The following CCDC178 variants were observed in gnomAD, a reference collection of about 807,000 sequenced individuals.
CCDC178 encodes the protein coiled-coil domain-containing protein 178.
CCDC178 carries 126 observed loss-of-function variants against 117.4 expected under a neutral mutation model. The ratio of observed to expected loss-of-function variants is 1.07; its 90% CI spans 0.93 to 1.24. The LOEUF is 1.24. Among genes scored for constraint, CCDC178 ranks in the 50% most tolerant of loss-of-function variants. CCDC178 has a pLI of 0.00. For synonymous variants in CCDC178, 283 were observed against 313.4 expected, an observed-to-expected ratio of 0.90 and a Z score of 1.02; for missense variants, 1,030 against 986.9, an observed-to-expected ratio of 1.04 and a Z score of -0.59.
At chr18:33,085,388 C>A (rs1284714807) in intron 21 of CCDC178, among the ~76,000 whole-genome samples, 1 of 152,148 alleles carries the variant, frequency 6.6e-6, no homozygotes, top group South Asian at 2.1e-4. Flanking sequence ...ACGGTGAAAC[C>A]CCGTTTCTAC....
At chr18:33,002,204 C>T (rs138463659) in intron 21 of CCDC178, among the ~76,000 whole-genome samples, 1 of 152,164 alleles carries the variant, frequency 6.6e-6, no homozygotes, top group East Asian at 1.9e-4. Context: ...CAGAATATTT[C>T]ATCTAACAGC....
intron 21 of CCDC178, among the ~76,000 whole-genome samples, chr18:33,042,025 GA>G (rs1329369524): frequency 6.6e-6 from 1 of 151,850 alleles, no homozygotes; most frequent in Admixed American, 6.6e-5. Context: ...AATAGCGTTG[GA>G]AAAATCACTA....
At chr18:33,278,274 C>T (rs61322134) in intron 12 of CCDC178, among the ~76,000 whole-genome samples, 10,071 of 127,332 alleles carry the variant, frequency 0.079, 550 homozygotes, top group African/African-American at 0.16. Context: ...CATATATATA[C>T]ACAAATACAT....
chr18:33,294,104 A>G (rs2062073420), intron 11 of CCDC178, among the ~76,000 whole-genome samples: 1 of 152,232 alleles, frequency 6.6e-6, no homozygotes, highest in East Asian at 1.9e-4. Flanking sequence ...AGTAATAGTC[A>G]AAGAGTTATT....
intron 22 of CCDC178, among the ~76,000 whole-genome samples, chr18:32,959,367 A>G (rs557572608): frequency 6.6e-6 from 1 of 152,276 alleles, no homozygotes; most frequent in South Asian, 2.1e-4. Flanking sequence ...TACATAGTGC[A>G]TTGAACTTTA....
intron 22 of CCDC178, among the ~76,000 whole-genome samples, chr18:32,972,588 A>G (rs1273557731): frequency 6.6e-6 from 1 of 151,884 alleles, no homozygotes; most frequent in African/African-American, 2.4e-5. Context: ...AGGTGTTTTT[A>G]AACAGGCATG....
At chr18:33,134,183 C>T (rs1323724914) in intron 20 of CCDC178, among the ~76,000 whole-genome samples, 2 of 151,896 alleles carry the variant, frequency 1.3e-5, no homozygotes, top group South Asian at 2.1e-4. Context: ...AATTTTAGAA[C>T]TTATAAATCT....
chr18:33,094,598 T>C (rs1318655764), intron 20 of CCDC178, among the ~76,000 whole-genome samples: 1 of 151,922 alleles, frequency 6.6e-6, no homozygotes, highest in Non-Finnish European at 1.5e-5. Flanking sequence ...AGAGGAGTGA[T>C]ACAGAGTTCC....
chr18:33,175,707 C>T (rs1264470739), intron 20 of CCDC178, among the ~76,000 whole-genome samples: 1 of 152,138 alleles, frequency 6.6e-6, no homozygotes, highest in Non-Finnish European at 1.5e-5. Context: ...AGTGGGCAGA[C>T]AGCATTTTGC....
At chr18:33,345,954 A>G (rs1215585579) in intron 9 of CCDC178, among the ~76,000 whole-genome samples, 2 of 151,998 alleles carry the variant, frequency 1.3e-5, no homozygotes, top group Non-Finnish European at 2.9e-5. Context: ...CAGCCTCCCA[A>G]GTAGTTGAGA....
At chr18:33,415,636 T>A (rs1196820419) in intron 2 of CCDC178, among the ~76,000 whole-genome samples, 1 of 152,104 alleles carries the variant, frequency 6.6e-6, no homozygotes, top group South Asian at 2.1e-4. Context: ...ACATGGCACA[T>A]GTATACATAT....
At chr18:33,409,441 T>C (rs878995245) in intron 3 of CCDC178, among the ~76,000 whole-genome samples, 2 of 152,182 alleles carry the variant, frequency 1.3e-5, no homozygotes, top group Admixed American at 6.6e-5. Context: ...AGTTACATCA[T>C]GAACGAAAGA....
intron 6 of CCDC178, among the ~76,000 whole-genome samples, chr18:33,368,651 C>T (rs1568180395): frequency 6.6e-6 from 1 of 151,890 alleles, no homozygotes; most frequent in African/African-American, 2.4e-5. Context: ...TGAAAACAGA[C>T]AGAGGGTGTG....
chr18:33,353,264 C>T (rs1026447030), intron 7 of CCDC178, among the ~76,000 whole-genome samples: 1 of 152,032 alleles, frequency 6.6e-6, no homozygotes, highest in African/African-American at 2.4e-5. Flanking sequence ...TATGGTTTTT[C>T]ATCCTTCCAC....
chr18:33,342,511 T>C (rs955230028), intron 9 of CCDC178, among the ~76,000 whole-genome samples: 8 of 152,198 alleles, frequency 5.3e-5, no homozygotes, highest in African/African-American at 1.9e-4. Context: ...TATCTCCAAA[T>C]GGATGTGAGA....
intron 12 of CCDC178, among the ~76,000 whole-genome samples, chr18:33,268,810 T>TA (rs1305676938): frequency 1.3e-5 from 2 of 151,576 alleles, no homozygotes; most frequent in East Asian, 1.9e-4. Flanking sequence ...AAAAAACTGA[T>TA]AAAAAAATGT....
intron 21 of CCDC178, among the ~76,000 whole-genome samples, chr18:33,071,169 G>A (rs1177018181): frequency 6.6e-6 from 1 of 152,088 alleles, no homozygotes; most frequent in Non-Finnish European, 1.5e-5. Context: ...CCTTTTAGGA[G>A]CGAGTAGTCA....
At chr18:33,160,848 T>C (rs373182770) in intron 20 of CCDC178, among the ~76,000 whole-genome samples, 2 of 152,210 alleles carry the variant, frequency 1.3e-5, no homozygotes, top group East Asian at 3.9e-4. Context: ...CCTCCTCACA[T>C]ACCTTATGCT....
chr18:32,992,308 T>A (rs1337433757), intron 21 of CCDC178, among the ~76,000 whole-genome samples: 2 of 152,200 alleles, frequency 1.3e-5, no homozygotes, highest in African/African-American at 2.4e-5. Flanking sequence ...TAAAATGGGA[T>A]AAACTTTCTG....
Sources: allele counts gnomAD v4.1 joint callset (sites outside exome capture counted in the v4.1 genomes callset), GRCh38; gene constraint gnomAD v4.1.1; transcripts MANE v1.5; gene names NCBI Gene and HGNC (gene_info 2026-07-23, HGNC 2026-07-21).